SYNDIG1: variants seen among roughly 807,000 people sequenced by gnomAD.
SYNDIG1 encodes the protein synapse differentiation-inducing gene protein 1.
SYNDIG1 carries 9 observed loss-of-function variants against 19.4 expected under a neutral mutation model. The ratio of observed to expected loss-of-function variants is 0.46; its 90% confidence interval spans 0.28 to 0.81. The LOEUF (loss-of-function observed/expected upper bound fraction) is 0.81. Among genes scored for constraint, SYNDIG1 ranks in the 30% least tolerant of loss-of-function variants. The pLI, the probability that SYNDIG1 is intolerant of heterozygous loss-of-function variation, is 0.12. For missense variants in SYNDIG1, 311 were observed against 343.3 expected (o/e 0.91, Z 0.74); for synonymous variants, 141 against 145.9 (o/e 0.97, Z 0.24).
At chr20:24,611,686 C>T (rs1346987414) in intron 3 of SYNDIG1, among the ~76,000 whole-genome samples, 5 of 152,154 alleles carry the variant, frequency 3.3e-5, no homozygotes, top group African/African-American at 9.7e-5. Flanking sequence ...CTTCTACCCA[C>T]AAGCTTCCAC....
At chr20:24,500,474 TTTTC>T (rs138037383) in intron 1 of SYNDIG1, among the ~76,000 whole-genome samples, 20,150 of 135,872 alleles carry the variant, frequency 0.15, 1,527 homozygotes, top group East Asian at 0.22. Flanking sequence ...AAGCAGATTC[TTTTC>T]TTTCTTTCTT....
intron 3 of SYNDIG1, among the ~76,000 whole-genome samples, chr20:24,644,254 G>A (rs940997949): frequency 6.6e-6 from 1 of 152,246 alleles, no homozygotes; most frequent in Non-Finnish European, 1.5e-5. Flanking sequence ...TGCTGACATA[G>A]ATGATGAGGC....
At chr20:24,588,248 C>G (rs1019721201) in intron 3 of SYNDIG1, among the ~76,000 whole-genome samples, 1 of 152,242 alleles carries the variant, frequency 6.6e-6, no homozygotes, top group African/African-American at 2.4e-5. Context: ...CTGCTGGAAA[C>G]CTGAGTTCTC....
Position 24,476,403 on chromosome 20 carries a change from T to C in SYNDIG1, c.-79+6650T>C, listed in dbSNP as rs185839738. Among the ~76,000 whole-genome samples the C allele has an allele frequency of 6.6e-3, 1,006 of 152,180 alleles. 9 individuals carry two copies. The highest frequency in any genetic ancestry group is 0.023 in the African/African-American group (953 of 41,558). Reference sequence around the variant, plus strand: ...TGGATATTGGCCGGGCGCGGTGGCTTACGCCTGTAATCCCAGCACTTTGGG... The same window carrying C: ...TGGATATTGGCCGGGCGCGGTGGCTCACGCCTGTAATCCCAGCACTTTGGG... On this transcript the variant is annotated intron_variant, in intron 1 of 3. Coordinates refer to ENST00000376862, the MANE Select transcript of SYNDIG1 (RefSeq NM_024893.3).
intron 3 of SYNDIG1, among the ~76,000 whole-genome samples, chr20:24,624,919 G>C (rs930466494): frequency 8.6e-5 from 13 of 151,982 alleles, no homozygotes; most frequent in African/African-American, 3.1e-4. Flanking sequence ...TCAAATATTT[G>C]GAACTTAGAA....
chr20:24,579,266 A>G (rs919111494), intron 2 of SYNDIG1, among the ~76,000 whole-genome samples: 1 of 152,180 alleles, frequency 6.6e-6, no homozygotes, highest in Non-Finnish European at 1.5e-5. Context: ...CCTTATCACA[A>G]GTGATGGCAA....
intron 1 of SYNDIG1, among the ~76,000 whole-genome samples, chr20:24,519,250 A>C (rs188540044): frequency 2.0e-5 from 3 of 152,318 alleles, no homozygotes; most frequent in Non-Finnish European, 4.4e-5. Context: ...ACTGTCCGTG[A>C]AATTGTGTAG....
chr20:24,477,904 C>T (rs368691492), intron 1 of SYNDIG1, among the ~76,000 whole-genome samples: 90 of 152,322 alleles, frequency 5.9e-4, no homozygotes, highest in African/African-American at 2.1e-3. Context: ...ACTCCAAACT[C>T]CAGGTGTTTC....
chr20:24,503,227 A>G (rs983942214), intron 1 of SYNDIG1, among the ~76,000 whole-genome samples: 4 of 152,188 alleles, frequency 2.6e-5, no homozygotes, highest in African/African-American at 4.8e-5. Context: ...GCCTGGAAAT[A>G]TAGCTGGGGA....
At position 24,535,543 on chromosome 20, in the gene SYNDIG1, A is replaced by G. The variant is rs11908513; in HGVS notation, c.-78-7477A>G. On this transcript the variant is annotated intron_variant, in intron 1 of 3. Transcript: ENST00000376862. ...AAAGAAAAGATGTTTATCTGGGCATAAAGCTTTGCAATGGGAACACACATG... is the reference window on the plus strand; with the variant it reads ...AAAGAAAAGATGTTTATCTGGGCATGAAGCTTTGCAATGGGAACACACATG... Among the ~76,000 whole-genome samples the G allele has an allele frequency of 7.3e-3, 1,106 of 152,372 alleles. 13 individuals are homozygous for G. The highest frequency in any genetic ancestry group is 0.025 in the African/African-American group (1,056 of 41,584).
intron 1 of SYNDIG1, among the ~76,000 whole-genome samples, chr20:24,519,832 C>T (rs983068105): frequency 8.6e-5 from 13 of 151,894 alleles, no homozygotes; most frequent in East Asian, 5.8e-4. Flanking sequence ...CGCACGCACG[C>T]GCACATGCAC....
chr20:24,598,865 A>G (rs560334613), intron 3 of SYNDIG1, among the ~76,000 whole-genome samples: 3 of 152,352 alleles, frequency 2.0e-5, no homozygotes, highest in Admixed American at 2.0e-4. Context: ...ACTTAAACAT[A>G]AGACCAAAAA....
intron 1 of SYNDIG1, among the ~76,000 whole-genome samples, chr20:24,499,256 C>T (rs775286441): frequency 1.8e-4 from 28 of 152,154 alleles, no homozygotes; most frequent in Admixed American, 3.3e-4. Flanking sequence ...AACTCCTAAC[C>T]TCAAGTGATC....
chr20:24,544,665 TG>T (rs1309882112), intron 2 of SYNDIG1, among the ~76,000 whole-genome samples: 1 of 149,362 alleles, frequency 6.7e-6, no homozygotes, highest in East Asian at 2.0e-4. Context: ...AAGAGAAGGG[TG>T]GGGTAAGGGA....
intron 1 of SYNDIG1, among the ~76,000 whole-genome samples, chr20:24,486,575 C>T (rs1484867181): frequency 2.0e-5 from 3 of 152,148 alleles, no homozygotes; most frequent in Non-Finnish European, 4.4e-5. Context: ...TGCAGGCATG[C>T]GAGCTCTGGT....
At chr20:24,630,497 G>T (rs182992657) in intron 3 of SYNDIG1, among the ~76,000 whole-genome samples, 130 of 152,320 alleles carry the variant, frequency 8.5e-4, no homozygotes, top group Non-Finnish European at 1.4e-3. Flanking sequence ...ATTCATCAGG[G>T]CCCCAAACTG....
chr20:24,633,489 CG>C (rs1426568576), intron 3 of SYNDIG1, among the ~76,000 whole-genome samples: 1 of 152,056 alleles, frequency 6.6e-6, no homozygotes, highest in African/African-American at 2.4e-5. Flanking sequence ...GTAACGTTCA[CG>C]GGGGGGAATG....
At chr20:24,575,536 A>C (rs2058213281) in intron 2 of SYNDIG1, among the ~76,000 whole-genome samples, 1 of 152,238 alleles carries the variant, frequency 6.6e-6, no homozygotes, top group Non-Finnish European at 1.5e-5. Context: ...ACAGCAGTCA[A>C]GCCCCAAACG....
intron 1 of SYNDIG1, among the ~76,000 whole-genome samples, chr20:24,504,079 C>A (rs2056525575): frequency 6.6e-6 from 1 of 151,800 alleles, no homozygotes; most frequent in Non-Finnish European, 1.5e-5. Flanking sequence ...CCTGTCTCAG[C>A]CTCCTGAGTA....
Sources: gnomAD v4.1 joint callset for allele counts (sites outside exome capture counted in the v4.1 genomes callset) on GRCh38, gnomAD v4.1.1 for gene constraint, MANE v1.5 for transcripts, NCBI Gene and HGNC (gene_info 2026-07-23, HGNC 2026-07-21) for gene names.